IGF2R: variants seen among roughly 807,000 people sequenced by gnomAD.
The protein encoded by IGF2R is insulin like growth factor 2 receptor.
In IGF2R, 91 loss-of-function variants were observed where a neutral mutation model predicts 270.6. The ratio of observed to expected loss-of-function variants is 0.34; its 90% CI spans 0.28 to 0.40. The LOEUF is 0.40. Ranked by LOEUF, IGF2R falls within the 10% of genes least tolerant of loss-of-function variation. The pLI is 1.00. For missense variants in IGF2R, 2,805 were observed against 3,188.3 expected (o/e 0.88, Z 2.90); for synonymous variants, 1,316 against 1,258.9 (o/e 1.05, Z -0.96).
intron 47 of IGF2R, among the ~76,000 whole-genome samples, chr6:160,104,089 A>AG (rs1827985083): frequency 6.6e-6 from 1 of 152,040 alleles, no homozygotes; most frequent in Non-Finnish European, 1.5e-5. Context: ...TAAAAAAAAA[A>AG]CAAAACACAC....
In IGF2R at chr6:160,045,744, G is replaced by A; in HGVS notation, c.1766-1G>A. ...TCCCCATCTCTTTTCCCCATTGACA[G>A]GTGATCTGGAAAGTGCACCAGTGTT... On this transcript the variant is annotated splice_acceptor_variant, in intron 13 of 47. Coordinates refer to ENST00000356956, the MANE Select transcript of IGF2R (RefSeq NM_000876.4). LOFTEE classifies it high-confidence loss of function. 6.2e-7 allele frequency: 1 copy of A among 1,614,122 alleles called. No individual in the cohort carries two copies. Among genetic ancestry groups the A allele is most frequent in the Non-Finnish European group, 8.5e-7 (1 of 1,179,996 alleles).
chr6:160,009,986 C>T (rs8191734), intron 3 of IGF2R, among the ~76,000 whole-genome samples: 3 of 151,400 alleles, frequency 2.0e-5, no homozygotes, highest in Admixed American at 6.6e-5. Flanking sequence ...TATTGAGACC[C>T]AAAAAAGAAT....
intron 9 of IGF2R, among the ~76,000 whole-genome samples, chr6:160,034,068 A>G (rs1370296104): frequency 1.3e-5 from 2 of 152,262 alleles, no homozygotes; most frequent in Non-Finnish European, 2.9e-5. Context: ...AAGGCCCCTC[A>G]GGCACGGCTG....
intron 4 of IGF2R, among the ~76,000 whole-genome samples, chr6:160,012,369 A>T (rs891203441): frequency 6.6e-6 from 1 of 152,180 alleles, no homozygotes; most frequent in Non-Finnish European, 1.5e-5. Flanking sequence ...TGGGTAATTT[A>T]TAAAGAAAAG....
At chr6:160,000,962 C>T (rs1043279966) in intron 2 of IGF2R, among the ~76,000 whole-genome samples, 6 of 151,834 alleles carry the variant, frequency 4.0e-5, no homozygotes, top group Non-Finnish European at 5.9e-5. Flanking sequence ...GTCTTGAACT[C>T]CTGACCTCAA....
intron 44 of IGF2R, chr6:160,093,666 T>C (rs1215156272): frequency 6.7e-6 from 5 of 749,720 alleles, no homozygotes; most frequent in African/African-American, 3.4e-5. Flanking sequence ...CTGCAAACTC[T>C]GGCTCATTTC....
At chr6:160,007,014 A>T (rs1438758323) in intron 2 of IGF2R, 2 of 150,172 alleles carry the variant, frequency 1.3e-5, no homozygotes, top group Non-Finnish European at 1.5e-5. Context: ...GACTTAAGTG[A>T]TAACAGTAAT....
intron 31 of IGF2R, 134 bp from the exon 32 acceptor site, chr6:160,071,776 C>T (rs1778744155): frequency 3.3e-6 from 4 of 1,198,020 alleles, no homozygotes; most frequent in Non-Finnish European, 4.8e-6. Context: ...TGCGCCTCAT[C>T]CCACAGGCAC....
At chr6:159,984,550 T>G (rs1300324607) in intron 1 of IGF2R, among the ~76,000 whole-genome samples, 2 of 152,250 alleles carry the variant, frequency 1.3e-5, no homozygotes, top group East Asian at 3.8e-4. Flanking sequence ...CGTTTAGATA[T>G]GTGTCACATG....
chr6:159,975,385 G>A (rs897067767), intron 1 of IGF2R, among the ~76,000 whole-genome samples: 1 of 152,156 alleles, frequency 6.6e-6, no homozygotes, highest in Non-Finnish European at 1.5e-5. Context: ...GAATTGCCGT[G>A]CATTCAACTA....
chr6:159,991,151 T>C (rs200933956), intron 1 of IGF2R, 33 bp from the exon 2 acceptor site: 30 of 1,574,980 alleles, frequency 1.9e-5, no homozygotes, highest in Non-Finnish European at 2.4e-5. Flanking sequence ...GATAAATCAG[T>C]GACATTGACA....
chr6:160,059,242 T>C, intron 22 of IGF2R, 144 bp downstream of exon 22: 1 of 645,322 alleles, frequency 1.5e-6, no homozygotes, highest in Non-Finnish European at 2.6e-6. Context: ...GCCATCACGG[T>C]GGTCTTCCTG....
At chr6:160,093,440 C>T (rs1779275547) in intron 44 of IGF2R, 1 of 381,792 alleles carries the variant, frequency 2.6e-6, no homozygotes, top group Non-Finnish European at 5.0e-6. Flanking sequence ...AGGCCTCCAC[C>T]TTACTGCACG....
At chr6:160,037,215 CATTATG>C (rs1055803124) in intron 10 of IGF2R, among the ~76,000 whole-genome samples, 2 of 152,166 alleles carry the variant, frequency 1.3e-5, no homozygotes, top group African/African-American at 4.8e-5. Context: ...AGGCTGTTTT[CATTATG>C]ATTGTAACAA....
At chr6:160,061,172 G>C (rs1216920251) in intron 23 of IGF2R, among the ~76,000 whole-genome samples, 1 of 152,146 alleles carries the variant, frequency 6.6e-6, no homozygotes. Context: ...GGCAGTGGGG[G>C]TTTGGCTTTT....
chr6:160,010,568 C>G (rs187421203), intron 3 of IGF2R, 119 bp from the exon 4 acceptor site: 217 of 656,622 alleles, frequency 3.3e-4, no homozygotes, highest in Admixed American at 7.4e-4. Flanking sequence ...GGTTGCATCC[C>G]CTGCCCTTCT....
rs1779390633 is a variant in IGF2R, at chr6:160,097,500, T to G, written c.6842+875T>G. Among the ~76,000 whole-genome samples, 5 of 152,276 alleles carry G rather than the reference T, an allele frequency of 3.3e-5. No homozygotes were observed. In the South Asian group the frequency reaches 1.0e-3, roughly 32 times the overall value. On this transcript the variant is annotated intron_variant, in intron 45 of 47. Transcript: ENST00000356956. ...ATGTGTCATTATGCCCTGCTAATTTTTGTATTTTTGGTAGAGATGGGGTTT... is the reference window on the plus strand; with the variant it reads ...ATGTGTCATTATGCCCTGCTAATTTGTGTATTTTTGGTAGAGATGGGGTTT...
At chr6:160,021,641 A>T (rs2115220008) in intron 4 of IGF2R, among the ~76,000 whole-genome samples, 1 of 152,048 alleles carries the variant, frequency 6.6e-6, no homozygotes. Flanking sequence ...AATAAACTGC[A>T]TATATGGAAC....
At chr6:160,060,508 TG>T (rs1562361742) in intron 22 of IGF2R, 38 bp from the exon 23 acceptor site, 2 of 1,606,412 alleles carry the variant, frequency 1.2e-6, no homozygotes, top group South Asian at 2.2e-5. Context: ...CCATGAATAC[TG>T]TTCTGTCTCT....
Sources: allele counts gnomAD v4.1 joint callset (sites outside exome capture counted in the v4.1 genomes callset), GRCh38; gene constraint gnomAD v4.1.1; transcripts MANE v1.5; gene names NCBI Gene and HGNC (gene_info 2026-07-23, HGNC 2026-07-21).